Variants in SDK1 observed in about 807,000 individuals in gnomAD.
SDK1 encodes the protein protein sidekick-1.
A neutral mutation model predicts 245.5 loss-of-function variants in SDK1; 157 were observed. The observed-to-expected ratio is 0.64, with a 90% CI of 0.56 to 0.73. The LOEUF (loss-of-function observed/expected upper bound fraction) is 0.73. SDK1 is among the 30% of genes least tolerant of loss of function. The probability of loss-of-function intolerance (pLI) is 0.00; values close to 1 mark genes in which losing one functional copy is unlikely to be tolerated. For synonymous variants in SDK1, 1,647 were observed against 1,278.5 expected (o/e 1.29, Z -6.15); for missense variants, 3,583 against 3,002.3 (o/e 1.19, Z -4.52).
rs188424897 is a variant in SDK1, at chr7:3,739,715, G to C, written c.714-81735G>C. 2.1e-3 allele frequency among the ~76,000 whole-genome samples: 312 copies of C among 152,014 alleles called. 3 individuals are homozygous for C. The highest frequency in any genetic ancestry group is 4.4e-3 in the Admixed American group (67 of 15,266). On this transcript the variant is annotated intron_variant, in intron 4 of 44. Transcript: ENST00000404826. Reference sequence around the variant, plus strand: ...TATTTATCTTTTAAAATATAATTAGGATAGCTAATTTCAAGGTTTTTTTCT... The same window carrying C: ...TATTTATCTTTTAAAATATAATTAGCATAGCTAATTTCAAGGTTTTTTTCT...
intron 5 of SDK1, among the ~76,000 whole-genome samples, chr7:3,929,381 C>T (rs1331445370): frequency 1.2e-4 from 19 of 152,294 alleles, no homozygotes; most frequent in Admixed American, 6.5e-5. Flanking sequence ...GCCCATTTGG[C>T]GGGGTTGCTT....
At chr7:3,721,702 G>A (rs548346868) in intron 4 of SDK1, among the ~76,000 whole-genome samples, 2 of 152,270 alleles carry the variant, frequency 1.3e-5, no homozygotes, top group South Asian at 4.1e-4. Flanking sequence ...GAGGAAGGGG[G>A]AGGAATAATG....
chr7:4,000,663 A>G (rs550315588), intron 14 of SDK1, among the ~76,000 whole-genome samples: 2 of 152,278 alleles, frequency 1.3e-5, no homozygotes, highest in African/African-American at 2.4e-5. Flanking sequence ...TTAAAAGCTG[A>G]TGGGCGTTGT....
chr7:3,346,842 T>TTTTTTTTTTG (rs1780520890), intron 1 of SDK1, among the ~76,000 whole-genome samples: 1 of 122,938 alleles, frequency 8.1e-6, no homozygotes, highest in Non-Finnish European at 1.7e-5. Flanking sequence ...TTTTTTTTTT[T>TTTTTTTTTTG]TTTTTTTTTG....
At chr7:3,752,836 G>A (rs1429092045) in intron 4 of SDK1, among the ~76,000 whole-genome samples, 2 of 152,208 alleles carry the variant, frequency 1.3e-5, no homozygotes, top group African/African-American at 4.8e-5. Context: ...TCTCTATATA[G>A]TATAGTAGTA....
At chr7:3,658,609 C>CT (rs71029690) in intron 4 of SDK1, among the ~76,000 whole-genome samples, 1,386 of 101,966 alleles carry the variant, frequency 0.014, 31 homozygotes, top group East Asian at 0.02. Context: ...CTACTATCTT[C>CT]TTTTTTTTTT....
At chr7:3,738,267 G>A (rs1018808018) in intron 4 of SDK1, among the ~76,000 whole-genome samples, 2 of 152,182 alleles carry the variant, frequency 1.3e-5, no homozygotes, top group African/African-American at 4.8e-5. Flanking sequence ...TTTGCATGTG[G>A]ATGTGCAGTT....
chr7:3,613,416 A>G (rs559399237), intron 1 of SDK1, among the ~76,000 whole-genome samples: 1 of 152,306 alleles, frequency 6.6e-6, no homozygotes, highest in African/African-American at 2.4e-5. Flanking sequence ...ACATAAAATT[A>G]TGATGTTGTG....
rs1279457322 is a variant in SDK1 at position 3,873,479 on chromosome 7, G to C, written c.847+51896G>C. On this transcript the variant is annotated intron_variant, in intron 5 of 44. Coordinates refer to ENST00000404826, the MANE Select transcript of SDK1 (RefSeq NM_152744.4). ...ATGTCCTCTAAGCTTTGATGATTTG[G>C]TGTCTGTCACTAATTTTGGAAAATC... 2.0e-5 allele frequency among the ~76,000 whole-genome samples: 3 copies of C among 151,904 alleles called. No individual in the cohort carries two copies. In the East Asian group the frequency reaches 5.8e-4, roughly 29 times the overall value.
intron 1 of SDK1, among the ~76,000 whole-genome samples, chr7:3,442,914 C>T (rs1284680974): frequency 6.6e-6 from 1 of 152,078 alleles, no homozygotes; most frequent in African/African-American, 2.4e-5. Context: ...TTCGTTTTGC[C>T]CCAGTCTTCT....
chr7:3,777,597 C>G (rs1419682637), intron 4 of SDK1, among the ~76,000 whole-genome samples: 3 of 152,232 alleles, frequency 2.0e-5, no homozygotes, highest in African/African-American at 7.2e-5. Flanking sequence ...TGAGCCCCCT[C>G]TGCCAACAGT....
intron 20 of SDK1, among the ~76,000 whole-genome samples, chr7:4,073,109 T>G (rs1296029485): frequency 3.3e-5 from 5 of 152,202 alleles, no homozygotes; most frequent in African/African-American, 1.2e-4. Flanking sequence ...AGGCAGCCAT[T>G]GGGAGCAGGT....
chr7:3,349,336 C>G (rs1321893097), intron 1 of SDK1, among the ~76,000 whole-genome samples: 1 of 151,806 alleles, frequency 6.6e-6, no homozygotes, highest in Non-Finnish European at 1.5e-5. Flanking sequence ...TTAAAGAGAA[C>G]GTCATTCTTG....
At chr7:3,928,566 T>G (rs1053800091) in intron 5 of SDK1, among the ~76,000 whole-genome samples, 16 of 151,832 alleles carry the variant, frequency 1.1e-4, no homozygotes. Context: ...AAGGCTTTTT[T>G]GGTAGGCAGA....
intron 22 of SDK1, among the ~76,000 whole-genome samples, chr7:4,098,828 T>C (rs1319091537): frequency 3.5e-5 from 3 of 85,714 alleles, no homozygotes; most frequent in South Asian, 5.2e-4. Context: ...AATGCCCTTT[T>C]TTTTTTTTTT....
Position 4,241,829 on chromosome 7 carries a change from T to A in SDK1, c.6167T>A (p.Leu2056Gln). 1 of 1,614,170 alleles carries A rather than the reference T, an allele frequency of 6.2e-7. No individual in the cohort carries two copies. Among genetic ancestry groups the A allele is most frequent in the Non-Finnish European group, 8.5e-7 (1 of 1,180,026 alleles). The change falls in exon 43 of 45, where the codon CTG becomes CAG. Residue 2056 changes from leucine to glutamine, a missense_variant. Leu to Gln is a moderately radical substitution (Grantham distance 113). Transcript: ENST00000404826. ...GISTMEESVT[L>Q]DNGGFAALEL... ...TCCACCATGGAGGAGTCTGTGACCCTGGACAACGGAGGATTTGCTGCCCTG... is the reference window on the plus strand; with the variant it reads ...TCCACCATGGAGGAGTCTGTGACCCAGGACAACGGAGGATTTGCTGCCCTG...
At chr7:3,627,739 G>T (rs1401359828) in intron 2 of SDK1, among the ~76,000 whole-genome samples, 2 of 152,152 alleles carry the variant, frequency 1.3e-5, no homozygotes, top group Non-Finnish European at 2.9e-5. Context: ...TTTATTAGTT[G>T]AGAAGAAATC....
chr7:4,192,926 A>G (rs1407743973), intron 35 of SDK1, among the ~76,000 whole-genome samples: 3 of 150,726 alleles, frequency 2.0e-5, no homozygotes, highest in African/African-American at 7.3e-5. Context: ...TACTTTTACC[A>G]TATATCCCTA....
At chr7:4,116,825 G>T (rs564875066) in intron 25 of SDK1, among the ~76,000 whole-genome samples, 8 of 152,202 alleles carry the variant, frequency 5.3e-5, no homozygotes, top group African/African-American at 1.9e-4. Context: ...AAGAGCAGCC[G>T]TGGTGACAAC....
Sources: gnomAD v4.1 joint callset for allele counts (sites outside exome capture counted in the v4.1 genomes callset) on GRCh38, gnomAD v4.1.1 for gene constraint, MANE v1.5 for transcripts, NCBI Gene and HGNC (gene_info 2026-07-23, HGNC 2026-07-21) for gene names.